Variants in PTPRZ1 observed in about 807,000 individuals in gnomAD.
PTPRZ1 encodes protein tyrosine phosphatase receptor type Z1, also known as receptor-type tyrosine-protein phosphatase zeta.
Under a neutral mutation model 214.1 loss-of-function variants are expected in PTPRZ1, and 82 were observed. The ratio of observed to expected loss-of-function variants is 0.38; its 90% CI spans 0.32 to 0.46. The LOEUF (loss-of-function observed/expected upper bound fraction) is 0.46, where lower values mean the gene tolerates loss of function less well. PTPRZ1 is among the 20% of genes least tolerant of loss of function. The probability of loss-of-function intolerance (pLI) is 1.00; values close to 1 mark genes in which losing one functional copy is unlikely to be tolerated. For missense variants in PTPRZ1, 2,603 were observed against 2,748.7 expected, an observed-to-expected ratio of 0.95 and a Z score of 1.19; for synonymous variants, 945 against 987.9, an observed-to-expected ratio of 0.96 and a Z score of 0.81.
intron 1 of PTPRZ1, among the ~76,000 whole-genome samples, chr7:121,911,708 A>C (rs1446541714): frequency 6.6e-6 from 1 of 152,014 alleles, no homozygotes; most frequent in Non-Finnish European, 1.5e-5. Flanking sequence ...ATGGTTGTAA[A>C]AGCATTACAT....
intron 2 of PTPRZ1, among the ~76,000 whole-genome samples, chr7:121,938,999 AACTTTG>A (rs1796167943): frequency 6.6e-6 from 1 of 152,210 alleles, no homozygotes; most frequent in Admixed American, 6.5e-5. Context: ...ACCAGGGCAA[AACTTTG>A]ACTATCCATG....
At chr7:121,923,776 C>T (rs1051619232) in intron 1 of PTPRZ1, among the ~76,000 whole-genome samples, 11 of 151,604 alleles carry the variant, frequency 7.3e-5, no homozygotes, top group Admixed American at 2.0e-4. Context: ...CTTTGATTTC[C>T]TTTACATAAG....
chr7:122,042,099 C>T (rs1420996685), intron 21 of PTPRZ1, among the ~76,000 whole-genome samples: 1 of 152,126 alleles, frequency 6.6e-6, no homozygotes, highest in Non-Finnish European at 1.5e-5. Context: ...ATGCTTTATT[C>T]CTCACAATCT....
At chr7:121,994,265 T>G (rs1798062454) in intron 8 of PTPRZ1, among the ~76,000 whole-genome samples, 1 of 151,248 alleles carries the variant, frequency 6.6e-6, no homozygotes, top group African/African-American at 2.4e-5. Context: ...ATGCTTTGTA[T>G]GTATGCATAA....
At chr7:122,055,122 T>G in intron 27 of PTPRZ1, 35 bp downstream of exon 27, 1 of 1,453,088 alleles carries the variant, frequency 6.9e-7, no homozygotes, top group Non-Finnish European at 9.3e-7. Flanking sequence ...ACTTTTTATC[T>G]TAAACACATG....
intron 8 of PTPRZ1, among the ~76,000 whole-genome samples, chr7:121,990,135 C>T (rs2116589562): frequency 1.3e-5 from 2 of 152,218 alleles, no homozygotes; most frequent in South Asian, 4.1e-4. Context: ...AAATATCTAA[C>T]ATCCTCATTT....
At chr7:122,060,545 G>T (rs1385250260) in intron 29 of PTPRZ1, among the ~76,000 whole-genome samples, 1 of 152,168 alleles carries the variant, frequency 6.6e-6, no homozygotes, top group Non-Finnish European at 1.5e-5. Context: ...AGCAGAGAAG[G>T]TACTTACCTT....
Position 122,042,760 on chromosome 7 carries a change from G to T in PTPRZ1, c.5937+17G>T. The T allele has an allele frequency of 6.2e-7, 1 of 1,603,396 alleles. No individual in the cohort carries two copies. Among genetic ancestry groups the T allele is most frequent in the Non-Finnish European group, 8.5e-7 (1 of 1,170,828 alleles). ...CAAACTGAGGTATGATTTTTAAAAA[G>T]ATGATTTTATTCATCTAAGGTATGG... On this transcript the variant is annotated intron_variant, in intron 22 of 29. Coordinates refer to ENST00000393386, the MANE Select transcript of PTPRZ1 (RefSeq NM_002851.3).
chr7:121,974,780 GC>G (rs1168246133), intron 4 of PTPRZ1, among the ~76,000 whole-genome samples: 1 of 152,120 alleles, frequency 6.6e-6, no homozygotes, highest in Non-Finnish European at 1.5e-5. Context: ...CAGCCACCAT[GC>G]CCAGTCTTCT....
chr7:121,908,359 CTTTGGAAAA>C, intron 1 of PTPRZ1: 3 of 230,630 alleles, frequency 1.3e-5, no homozygotes, highest in Non-Finnish European at 2.6e-5. Context: ...AGATCAATCC[CTTTGGAAAA>C]GAATATCAAC....
chr7:121,890,024 G>A (rs1338367361), intron 1 of PTPRZ1, among the ~76,000 whole-genome samples: 1 of 152,122 alleles, frequency 6.6e-6, no homozygotes, highest in African/African-American at 2.4e-5. Context: ...TCTAAACATT[G>A]TAGTCCTGAG....
In PTPRZ1 at chr7:122,011,524, C is replaced by T. The variant is rs1428197739; in HGVS notation, c.2478C>T (p.Ser826=). The change falls in exon 12 of 30, where the codon TCC becomes TCT. Residue 826 remains serine, a synonymous_variant. Transcript: ENST00000393386. ...CTTTGCTTCCATTTTCCTCTGCTTCCTTCAGTAGTGAATTGTTTCGCCATC... is the reference window on the plus strand; with the variant it reads ...CTTTGCTTCCATTTTCCTCTGCTTCTTTCAGTAGTGAATTGTTTCGCCATC... ...GAPLLPFSSA[S]FSSELFRHLH... is the part of the protein sequence containing the mutation. The T allele has an allele frequency of 6.2e-7, 1 of 1,614,070 alleles. No individual in the cohort carries two copies. Among genetic ancestry groups the T allele is most frequent in the South Asian group, 1.1e-5 (1 of 91,082 alleles).
chr7:122,004,544 C>T, intron 10 of PTPRZ1, 70 bp from the exon 11 acceptor site: 3 of 794,088 alleles, frequency 3.8e-6, no homozygotes, highest in East Asian at 2.9e-5. Context: ...TCTCTTTCAC[C>T]CAAAGGTAAA....
At chr7:121,982,579 G>C (rs1382864168) in intron 6 of PTPRZ1, among the ~76,000 whole-genome samples, 1 of 152,060 alleles carries the variant, frequency 6.6e-6, no homozygotes. Context: ...TTTCAGTGTA[G>C]ATATTCTACA....
At chr7:121,995,278 G>A (rs1319216584) in intron 8 of PTPRZ1, among the ~76,000 whole-genome samples, 1 of 152,142 alleles carries the variant, frequency 6.6e-6, no homozygotes, top group Non-Finnish European at 1.5e-5. Context: ...ATTTACCTAA[G>A]TCTACTGCAT....
chr7:121,921,922 C>T (rs569769468), intron 1 of PTPRZ1, among the ~76,000 whole-genome samples: 2 of 152,254 alleles, frequency 1.3e-5, no homozygotes, highest in African/African-American at 4.8e-5. Flanking sequence ...AATTAGGTTT[C>T]ATAAATGTCG....
rs775727043 is a variant in PTPRZ1, at chr7:122,011,983, A to G, written c.2937A>G (p.Pro979=). Residue 979 remains proline, a synonymous_variant, in exon 12 of 30, where the codon CCA becomes CCG. Coordinates refer to ENST00000393386, the MANE Select transcript of PTPRZ1 (RefSeq NM_002851.3). ...IPIPKSSLIT[P]TASLLQPTHA... ...TACCTAAGTCTTCGTTAATAACCCC[A>G]ACTGCATCATTACTGCAGCCTACTC... The G allele has an allele frequency of 1.2e-6, 2 of 1,614,080 alleles. No homozygotes were observed. The highest frequency in any genetic ancestry group is 2.2e-5 in the East Asian group (1 of 44,876).
At chr7:121,934,288 G>T (rs979566871) in intron 2 of PTPRZ1, among the ~76,000 whole-genome samples, 22 of 151,940 alleles carry the variant, frequency 1.4e-4, no homozygotes, top group African/African-American at 5.1e-4. Context: ...TCAAAATGTA[G>T]GGCCTCTGCT....
chr7:121,949,268 G>A (rs1796479627), intron 2 of PTPRZ1, among the ~76,000 whole-genome samples: 1 of 152,210 alleles, frequency 6.6e-6, no homozygotes, highest in Non-Finnish European at 1.5e-5. Flanking sequence ...TCAGTGAGCA[G>A]AGGGGTGACT....
Sources: allele counts gnomAD v4.1 joint callset (sites outside exome capture counted in the v4.1 genomes callset), GRCh38; gene constraint gnomAD v4.1.1; transcripts MANE v1.5; gene names NCBI Gene and HGNC (gene_info 2026-07-23, HGNC 2026-07-21).